Variants in RNF130 observed in about 807,000 individuals in gnomAD.
RNF130 encodes the protein E3 ubiquitin-protein ligase RNF130.
In RNF130, 21 loss-of-function variants were observed where a neutral mutation model predicts 44.6. The ratio of observed to expected loss-of-function variants is 0.47; its 90% confidence interval spans 0.33 to 0.68. The LOEUF is 0.68. RNF130 is among the 30% of genes least tolerant of loss of function. The probability of loss-of-function intolerance (pLI) is 0.02; values close to 1 mark genes in which losing one functional copy is unlikely to be tolerated. For missense variants in RNF130, 479 were observed against 560.6 expected (o/e 0.85, Z 1.47); for synonymous variants, 214 against 210.4 (o/e 1.02, Z -0.15).
chr5:179,961,964 A>G (rs942952847), intron 8 of RNF130, among the ~76,000 whole-genome samples: 9 of 152,238 alleles, frequency 5.9e-5, no homozygotes, highest in South Asian at 2.1e-4. Flanking sequence ...GCTGATTCTC[A>G]TAACAACCCT....
At chr5:179,946,329 G>C (rs1254642979) in intron 7 of RNF130, among the ~76,000 whole-genome samples, 2 of 152,206 alleles carry the variant, frequency 1.3e-5, no homozygotes, top group Admixed American at 6.5e-5. Flanking sequence ...AGCCCCCACA[G>C]GGAGGGCCCG....
At chr5:179,985,139 C>A (rs1000312021) in intron 3 of RNF130, among the ~76,000 whole-genome samples, 3 of 142,194 alleles carry the variant, frequency 2.1e-5, no homozygotes, top group Non-Finnish European at 4.5e-5. Flanking sequence ...ATCTTGAAAC[C>A]CTTTACCCCC....
intron 3 of RNF130, among the ~76,000 whole-genome samples, chr5:180,009,040 C>T (rs1163623540): frequency 3.9e-5 from 6 of 152,014 alleles, no homozygotes; most frequent in African/African-American, 1.5e-4. Flanking sequence ...TGAGGCATAG[C>T]CTTAAAGAAG....
intron 3 of RNF130, among the ~76,000 whole-genome samples, chr5:179,996,413 C>T (rs1400216519): frequency 6.6e-6 from 1 of 152,160 alleles, no homozygotes; most frequent in Non-Finnish European, 1.5e-5. Flanking sequence ...TTAGTGGAAA[C>T]GTTTTCAGCT....
Position 180,006,373 on chromosome 5 carries a change from C to T in RNF130, c.693+6688G>A, listed in dbSNP as rs542836938. Among the ~76,000 whole-genome samples the T allele has an allele frequency of 1.2e-4, 18 of 152,264 alleles. No individual in the cohort carries two copies. The South Asian group carries it at 1.7e-3, about 14-fold the overall frequency. The stretch of plus-strand genomic sequence containing the variant: ...GCAAAGTTTTAACCTTTCTCTGACA[C>T]AGGAATGTTCCATATATTTCCACAT... On this transcript the variant is annotated intron_variant, in intron 3 of 8. Coordinates refer to ENST00000521389, the MANE Select transcript of RNF130 (RefSeq NM_018434.6).
At position 180,040,599 on chromosome 5, in the gene RNF130, G is replaced by A. The variant is rs1359926306; in HGVS notation, c.296C>T (p.Pro99Leu). The change falls in exon 2 of 9, where the codon CCT becomes CTT. Residue 99 changes from proline (P) to leucine (L), a missense_variant. Transcript: ENST00000521389. ...CAAGGCAATCCACTGTTTGATATTAGGAGGGACAAAGAACCGGGTTTGTGG... is the reference window on the plus strand; with the variant it reads ...CAAGGCAATCCACTGTTTGATATTAAGAGGGACAAAGAACCGGGTTTGTGG... ...CDPQTRFFVP[P>L]NIKQWIALLQ... 6.2e-7 allele frequency: 1 copy of A among 1,614,058 alleles called. No individual in the cohort carries two copies. The highest frequency in any genetic ancestry group is 8.5e-7 in the Non-Finnish European group (1 of 1,180,050).
chr5:179,945,192 G>C (rs1762019646), intron 7 of RNF130, among the ~76,000 whole-genome samples: 1 of 152,092 alleles, frequency 6.6e-6, no homozygotes, highest in African/African-American at 2.4e-5. Flanking sequence ...CCTTCCTAAG[G>C]GCTGCAGGAG....
At chr5:180,046,697 A>AC (rs1764574656) in intron 1 of RNF130, among the ~76,000 whole-genome samples, 1 of 152,138 alleles carries the variant, frequency 6.6e-6, no homozygotes, top group South Asian at 2.1e-4. Context: ...ACTCTTGCTC[A>AC]CCACCTTCTG....
Position 180,070,621 on chromosome 5 carries a change from T to TC in RNF130, c.247+834dup, listed in dbSNP as rs1203895264. ...GAGGGTGGGGATAATGGCAGATATCTCCCAAAAGTTCAGCGTGGGCCAAAA... is the reference window on the plus strand; with the variant it reads ...GAGGGTGGGGATAATGGCAGATATCTCCCCAAAAGTTCAGCGTGGGCCAAAA... On this transcript the variant is annotated intron_variant, in intron 1 of 8. Coordinates refer to ENST00000521389, the MANE Select transcript of RNF130 (RefSeq NM_018434.6). Among the ~76,000 whole-genome samples, 3 of 152,166 alleles carry TC rather than the reference T, an allele frequency of 2.0e-5. No individual in the cohort carries two copies. In the East Asian group the frequency reaches 5.8e-4, roughly 29 times the overall value.
intron 2 of RNF130, among the ~76,000 whole-genome samples, chr5:180,028,649 C>T (rs539992515): frequency 2.6e-5 from 4 of 152,300 alleles, no homozygotes; most frequent in East Asian, 1.9e-4. Flanking sequence ...TTACTTCAGG[C>T]GTGTGTGTTT....
chr5:180,042,580 T>C (rs1272860670), intron 1 of RNF130, among the ~76,000 whole-genome samples: 1 of 152,204 alleles, frequency 6.6e-6, no homozygotes, highest in Non-Finnish European at 1.5e-5. Flanking sequence ...TGCTGTAAAA[T>C]AAAAGCAGCT....
At chr5:180,049,388 G>C (rs78967753) in intron 1 of RNF130, among the ~76,000 whole-genome samples, 1,876 of 152,242 alleles carry the variant, frequency 0.012, 35 homozygotes, top group African/African-American at 0.043. Context: ...CTTTATTTCT[G>C]CTAAAATCTA....
intron 3 of RNF130, among the ~76,000 whole-genome samples, chr5:179,991,702 G>A (rs1763086404): frequency 6.6e-6 from 1 of 152,140 alleles, no homozygotes; most frequent in Non-Finnish European, 1.5e-5. Flanking sequence ...GCGGGTAGGG[G>A]ATGGTTTCAG....
chr5:179,949,119 C>T (rs981142179), intron 7 of RNF130, among the ~76,000 whole-genome samples: 3 of 152,070 alleles, frequency 2.0e-5, no homozygotes, highest in African/African-American at 7.2e-5. Flanking sequence ...GCATGTGCCA[C>T]CACGCCCGGC....
At chr5:179,920,363 G>A (rs1451428577) in exon 8 of RNF130, 1 of 702,368 alleles carries the variant, frequency 1.4e-6, no homozygotes, top group African/African-American at 1.7e-5. Context: ...TTCGATGGTG[G>A]AGAATTCACT....
intron 7 of RNF130, among the ~76,000 whole-genome samples, chr5:179,938,588 T>C (rs2113681253): frequency 6.6e-6 from 1 of 152,334 alleles, no homozygotes; most frequent in South Asian, 2.1e-4. Flanking sequence ...CTTCTTTTTT[T>C]AGGCATATAA....
intron 2 of RNF130, among the ~76,000 whole-genome samples, chr5:180,037,921 T>C (rs1194892844): frequency 6.6e-6 from 1 of 152,234 alleles, no homozygotes; most frequent in Non-Finnish European, 1.5e-5. Flanking sequence ...ACTTCCTAAA[T>C]ATATCCTCAA....
chr5:179,971,615 C>T (rs1275171295), intron 5 of RNF130, among the ~76,000 whole-genome samples: 2 of 152,292 alleles, frequency 1.3e-5, no homozygotes, highest in African/African-American at 2.4e-5. Context: ...GTGATCCGCC[C>T]GCCTCGGCCT....
intron 5 of RNF130, among the ~76,000 whole-genome samples, chr5:179,971,889 C>T (rs1762595371): frequency 6.6e-6 from 1 of 152,192 alleles, no homozygotes; most frequent in African/African-American, 2.4e-5. Context: ...GTCTGCCTAT[C>T]ACTGTTTGAT....
Sources: gnomAD v4.1 joint callset for allele counts (sites outside exome capture counted in the v4.1 genomes callset) on GRCh38, gnomAD v4.1.1 for gene constraint, MANE v1.5 for transcripts, NCBI Gene and HGNC (gene_info 2026-07-23, HGNC 2026-07-21) for gene names.